The following TPR variants were observed in gnomAD, a reference collection of about 807,000 sequenced individuals.
The protein encoded by TPR is translocated promoter region, nuclear basket protein, also known as nucleoprotein TPR.
Under a neutral mutation model 316.1 loss-of-function variants are expected in TPR, and 51 were observed. The observed-to-expected ratio is 0.16, with a 90% CI of 0.13 to 0.20. The LOEUF (loss-of-function observed/expected upper bound fraction) is 0.20, where lower values mean the gene tolerates loss of function less well. TPR is among the 10% of genes least tolerant of loss of function. The pLI, the probability that TPR is intolerant of heterozygous loss-of-function variation, is 1.00. For missense variants in TPR, 2,272 were observed against 2,754.8 expected, an observed-to-expected ratio of 0.82 and a Z score of 3.92; for synonymous variants, 981 against 914.7, an observed-to-expected ratio of 1.07 and a Z score of -1.31.
chr1:186,347,282 T>G lies in TPR; in HGVS notation c.2943+10A>C, dbSNP rs1006305619. The stretch of plus-strand genomic sequence containing the variant: ...TTGAGATTGAATTCTGAATTCAGAA[T>G]TATACATACCTGTTTTTCCTTGTTC... On this transcript the variant is annotated intron_variant, in intron 22 of 50. Transcript: ENST00000367478. The G allele has an allele frequency of 2.5e-6, 4 of 1,612,466 alleles. No individual in the cohort carries two copies. In the African/African-American group the frequency reaches 5.3e-5, roughly 22 times the overall value.
chr1:186,347,455 T>A lies in TPR; in HGVS notation c.2780A>T (p.Gln927Leu), dbSNP rs1446030557. ...SQSSQRTGKG[Q>L]PSNKEDVDDL... ...ATCCACATCTTCTTTGTTGCTAGGC[T>A]GACCTAAAAGACATAACAGCTCTGT... Residue 927 changes from glutamine to leucine, a missense_variant, in exon 22 of 51, where the codon CAG (glutamine) becomes CTG (leucine). Gln to Leu is a moderately radical substitution (Grantham distance 113). This residue lies in a region of TPR where 757 missense variants were observed against 859.8 expected (regional missense o/e 0.88). Coordinates refer to ENST00000367478, the MANE Select transcript of TPR (RefSeq NM_003292.3). 3 of 1,613,498 alleles carry A rather than the reference T, an allele frequency of 1.9e-6. No homozygotes were observed. Among genetic ancestry groups the A allele is most frequent in the Non-Finnish European group, 2.5e-6 (3 of 1,179,838 alleles).
Position 186,341,069 on chromosome 1 carries a change from GCTT to G in TPR, c.3976_3978del (p.Lys1326del). 1 of 1,614,044 alleles carries G rather than the reference GCTT, an allele frequency of 6.2e-7. No homozygotes were observed. The highest frequency in any genetic ancestry group is 8.5e-7 in the Non-Finnish European group (1 of 1,180,004). On this transcript the variant is annotated inframe_deletion, in exon 29 of 51. Transcript: ENST00000367478. ...CAACGTTTGACATCCTCTTCTAAGA[GCTT>G]CTTCTCTGCCTGCAACATACCGCTT...
intron 20 of TPR, among the ~76,000 whole-genome samples, chr1:186,350,919 G>C (rs1208771378): frequency 6.6e-6 from 1 of 152,090 alleles, no homozygotes; most frequent in South Asian, 2.1e-4. Context: ...CAAGAATAAT[G>C]CCTGTTCTGC....
chr1:186,312,836 T>A lies in TPR; in HGVS notation c.*1135A>T. The A allele has an allele frequency of 6.2e-7, 1 of 1,612,086 alleles. No individual in the cohort carries two copies. The highest frequency in any genetic ancestry group is 8.5e-7 in the Non-Finnish European group (1 of 1,178,146). On this transcript the variant is annotated 3_prime_UTR_variant, in exon 51 of 51. Transcript: ENST00000367478. ...GACTTCCAAATGTGGTTACCTCAGC[T>A]ATATCACTGCCCAACATCAGAAAAC...
chr1:186,346,437 T>G (rs868591892), intron 22 of TPR, 150 bp from the exon 23 acceptor site: 41 of 796,258 alleles, frequency 5.1e-5, no homozygotes, highest in African/African-American at 4.9e-4. Flanking sequence ...GATTAGAAGA[T>G]TCAACAACAA....
intron 4 of TPR, 61 bp from the exon 5 acceptor site, chr1:186,363,506 CA>C (rs1659253131): frequency 1.8e-6 from 2 of 1,119,324 alleles, no homozygotes; most frequent in East Asian, 4.9e-5. Context: ...AACCAAATAT[CA>C]AAAATATATT....
chr1:186,332,970 G>C (rs1658215651), intron 37 of TPR, 152 bp downstream of exon 37: 2 of 860,002 alleles, frequency 2.3e-6, no homozygotes, highest in Non-Finnish European at 3.4e-6. Flanking sequence ...AAGAATACTT[G>C]TGATACGTAT....
At position 186,346,156 on chromosome 1, in the gene TPR, G is replaced by A; in HGVS notation, c.3075C>T (p.Ala1025=). The change falls in exon 23 of 51, where the codon GCC becomes GCT. Residue 1025 remains alanine (A), a synonymous_variant. Transcript: ENST00000367478. The part of the protein sequence containing the change: ...KQELQDDKRR[A]IESMEQQLSE... ...TTACCTGTTGTTCCATGCTCTCTAT[G>A]GCTCTTCTTTTATCATCCTGAAGTT... 1 of 1,612,170 alleles carries A rather than the reference G, an allele frequency of 6.2e-7. No homozygotes were observed. Among genetic ancestry groups the A allele is most frequent in the Non-Finnish European group, 8.5e-7 (1 of 1,179,174 alleles).
intron 22 of TPR, among the ~76,000 whole-genome samples, chr1:186,346,933 C>T (rs1386257106): frequency 2.7e-5 from 4 of 150,212 alleles, no homozygotes; most frequent in African/African-American, 7.5e-5. Context: ...GTTCCCATCA[C>T]GTAAAATACC....
At chr1:186,333,876 A>G (rs1658255607) in intron 36 of TPR, among the ~76,000 whole-genome samples, 1 of 152,164 alleles carries the variant, frequency 6.6e-6, no homozygotes, top group Admixed American at 6.5e-5. Flanking sequence ...TGCAGGTAGC[A>G]AAGTTTTACT....
chr1:186,356,572 T>C, intron 14 of TPR, 123 bp from the exon 15 acceptor site: 1 of 888,668 alleles, frequency 1.1e-6, no homozygotes, highest in Non-Finnish European at 1.6e-6. Flanking sequence ...TCTCTCATTA[T>C]TTTTTTTCAT....
At chr1:186,360,997 A>C in intron 9 of TPR, 92 bp from the exon 10 acceptor site, 1 of 1,289,038 alleles carries the variant, frequency 7.8e-7, no homozygotes. Context: ...TCCCCTCAGC[A>C]GATAATATTA....
In TPR at chr1:186,312,478, A is replaced by C; in HGVS notation, c.*1493T>G. On this transcript the variant is annotated 3_prime_UTR_variant, in exon 51 of 51. Transcript: ENST00000367478. ...TATGGATACTGATCAAACAGCCCTA[A>C]TAATTTAAGCTTACTGATGAAAAAC... The C allele has an allele frequency of 3.5e-6, 4 of 1,141,088 alleles. No individual in the cohort carries two copies. Among genetic ancestry groups the C allele is most frequent in the Non-Finnish European group, 5.0e-6 (4 of 806,980 alleles). The allele number at this position is 1,141,088 out of a possible 1,614,324, so 70.7% of individuals were successfully genotyped here. A position where few individuals can be genotyped will look rare whatever the true frequency, so the allele number is the denominator to read the frequency against.
chr1:186,347,537 T>A (rs1658721540), intron 21 of TPR, 79 bp from the exon 22 acceptor site: 1 of 1,427,080 alleles, frequency 7.0e-7, no homozygotes, highest in Admixed American at 2.2e-5. Flanking sequence ...CTTATGAAAT[T>A]AGCATTAAGG....
At chr1:186,336,970 A>G (rs1658357344) in intron 32 of TPR, 43 bp downstream of exon 32, 2 of 1,611,634 alleles carry the variant, frequency 1.2e-6, no homozygotes, top group Non-Finnish European at 1.7e-6. Flanking sequence ...CTTTAGGTGT[A>G]TAACAGGAAA....
In TPR at chr1:186,332,224, A is replaced by C; in HGVS notation, c.5575T>G (p.Leu1859Val). The change falls in exon 38 of 51, where the codon TTG becomes GTG. Residue 1859 changes from leucine (L) to valine (V), a missense_variant. Coordinates refer to ENST00000367478, the MANE Select transcript of TPR (RefSeq NM_003292.3). The part of the protein sequence containing the change: ...DTVEMPLPKK[L>V]KSVTPVGTEE... The stretch of plus-strand genomic sequence containing the variant: ...GTTCCTACAGGTGTGACACTTTTCA[A>C]CTTCTTTGGAAGAGGCATTTCCACT... 1 of 1,611,798 alleles carries C rather than the reference A, an allele frequency of 6.2e-7. No homozygotes were observed. Among genetic ancestry groups the C allele is most frequent in the South Asian group, 1.1e-5 (1 of 90,094 alleles).
Position 186,337,028 on chromosome 1 carries a change from T to C in TPR, c.4491A>G (p.Val1497=), listed in dbSNP as rs745441251. Residue 1497 remains valine (V), a synonymous_variant, in exon 32 of 51, where the codon GTA becomes GTG. Transcript: ENST00000367478. The stretch of plus-strand genomic sequence containing the variant: ...ACACTCATACCTTCTGCAGATTCTC[T>C]ACTTGACTTTCAAGTGATTTTGATT... ...ETKSKSLESQ[V]ENLQKTLSEK... 2 of 1,613,858 alleles carry C rather than the reference T, an allele frequency of 1.2e-6. No homozygotes were observed. Among genetic ancestry groups the C allele is most frequent in the East Asian group, 2.2e-5 (1 of 44,860 alleles).
intron 4 of TPR, among the ~76,000 whole-genome samples, chr1:186,363,887 TA>T (rs1297826695): frequency 1.3e-5 from 2 of 152,082 alleles, no homozygotes; most frequent in Admixed American, 6.6e-5. Flanking sequence ...TAAGCAAATA[TA>T]AATATGCTTT....
Position 186,370,994 on chromosome 1 carries a change from A to G in TPR, c.306T>C (p.Ala102=). Residue 102 remains alanine, a synonymous_variant, in exon 3 of 51, where the codon GCT becomes GCC. Coordinates refer to ENST00000367478, the MANE Select transcript of TPR (RefSeq NM_003292.3). ...LTEKNKELEI[A]QDRNIAIQSQ... is the part of the protein sequence containing the mutation. ...CCTGAATGGCAATATTGCGATCCTG[A>G]GCAATTTCAAGTTCTTTGTTTTTCT... 2 of 1,613,028 alleles carry G rather than the reference A, an allele frequency of 1.2e-6. No individual in the cohort carries two copies. The highest frequency in any genetic ancestry group is 1.7e-6 in the Non-Finnish European group (2 of 1,179,490).
Sources: gnomAD v4.1 joint callset for allele counts (sites outside exome capture counted in the v4.1 genomes callset) on GRCh38, gnomAD v4.1.1 for gene constraint, gnomAD v4.1.1 regional missense constraint, MANE v1.5 for transcripts, NCBI Gene and HGNC (gene_info 2026-07-23, HGNC 2026-07-21) for gene names.